Variants in PLXNB1 observed in about 807,000 individuals in gnomAD.
PLXNB1 encodes the protein plexin-B1.
A neutral mutation model predicts 209.4 loss-of-function variants in PLXNB1; 106 were observed. The ratio of observed to expected loss-of-function variants is 0.51; its 90% CI spans 0.43 to 0.59. PLXNB1 has a LOEUF of 0.59. Among genes scored for constraint, PLXNB1 ranks in the 20% least tolerant of loss-of-function variants. The pLI is 0.00. For missense variants in PLXNB1, 2,357 were observed against 2,853.2 expected (o/e 0.83, Z 3.96); for synonymous variants, 1,167 against 1,183.2 (o/e 0.99, Z 0.28).
Position 48,417,960 on chromosome 3 carries a change from C to A in PLXNB1, c.3325G>T (p.Ala1109Ser). The A allele has an allele frequency of 6.2e-7, 1 of 1,613,434 alleles. No homozygotes were observed. Among genetic ancestry groups the A allele is most frequent in the Non-Finnish European group, 8.5e-7 (1 of 1,180,022 alleles). The change falls in exon 16 of 38, where the codon GCT (alanine) becomes TCT (serine). Residue 1109 changes from alanine (A) to serine (S), a missense_variant. By Grantham distance (99) the Ala-to-Ser change is moderately conservative. Coordinates refer to ENST00000296440, the MANE Select transcript of PLXNB1 (RefSeq NM_001130082.3). The surrounding 1 kb of genome is among the most constrained non-coding windows in gnomAD (Gnocchi z 4.4). ...GCATCCACAGCACAGGGCACTCCAG[C>A]CACCGTGACCATGCCCAGCACATCC... ...VQDVLGMVTVAGVPCAVDAQE... is the reference protein window; with the variant it reads ...VQDVLGMVTVSGVPCAVDAQE...
Position 48,411,986 on chromosome 3 carries a change from G to A in PLXNB1, c.5124C>T (p.Tyr1708=). 6.2e-7 allele frequency: 1 copy of A among 1,614,114 alleles called. No individual in the cohort carries two copies. Reference sequence around the variant, plus strand: ...GGTGCTTAATCCCTCGAAAGAGCATGTACAGAGGCTCCCCTACGGAGTCCT... The same window carrying A: ...GGTGCTTAATCCCTCGAAAGAGCATATACAGAGGCTCCCCTACGGAGTCCT... The part of the protein sequence containing the change: ...FVRDSVGEPL[Y]MLFRGIKHQV... The change falls in exon 28 of 38, where the codon TAC becomes TAT. Residue 1708 remains tyrosine, a synonymous_variant. Transcript: ENST00000296440. The surrounding 1 kb of genome is among the most constrained non-coding windows in gnomAD (Gnocchi z 4.0).
In PLXNB1 at chr3:48,415,852, A is replaced by C. The variant is rs977642120; in HGVS notation, c.3618-93T>G. ...CTGGCTTCCCTCAAGCGCTGACTGC[A>C]GTCTCCACCAGGTGTCCCTGGAGGT... is the stretch of plus-strand genomic sequence containing the variant. On this transcript the variant is annotated intron_variant, in intron 18 of 37. Transcript: ENST00000296440. The surrounding 1 kb of genome is among the most constrained non-coding windows in gnomAD (Gnocchi z 5.0). 1 of 1,374,486 alleles carries C rather than the reference A, an allele frequency of 7.3e-7. No homozygotes were observed. 85.1% of individuals were successfully genotyped at this position (1,374,486 alleles called of 1,614,324 possible). A position where few individuals can be genotyped will look rare whatever the true frequency, so the allele number is the denominator to read the frequency against.
chr3:48,422,688 C>G, intron 4 of PLXNB1, 77 bp downstream of exon 4: 1 of 1,497,300 alleles, frequency 6.7e-7, no homozygotes, highest in South Asian at 1.3e-5. Context: ...ACAGGGATAG[C>G]TTAAACCAGG....
Position 48,422,069 on chromosome 3 carries a change from T to C in PLXNB1, c.1520+36A>G, listed in dbSNP as rs998815761. On this transcript the variant is annotated intron_variant, in intron 6 of 37. Coordinates refer to ENST00000296440, the MANE Select transcript of PLXNB1 (RefSeq NM_001130082.3). ...ACAATTATGCAGGAGCATTGTGGGC[T>C]TGAGGCTGGGGCTGGGATGGGGTCA... 3 of 1,564,158 alleles carry C rather than the reference T, an allele frequency of 1.9e-6. No homozygotes were observed. The African/African-American group carries it at 4.1e-5, about 21-fold the overall frequency.
rs747973804 is a variant in PLXNB1, at chr3:48,404,546, C to A, written c.6348G>T (p.Gln2116His). The A allele has an allele frequency of 1.2e-6, 2 of 1,613,746 alleles. No individual in the cohort carries two copies. Among genetic ancestry groups the A allele is most frequent in the Non-Finnish European group, 1.7e-6 (2 of 1,179,814 alleles). ...LEEDGTAQKM[Q>H]LGYRLQQIAA... is the part of the protein sequence containing the mutation. ...CAATCTGCTGGAGCCGATAGCCCAG[C>A]TGCATCTTCTGGGCCGTGCCATCCT... Residue 2116 changes from glutamine (Q) to histidine (H), a missense_variant, in exon 38 of 38, where the codon CAG becomes CAT. By Grantham distance (24) the Gln-to-His change is conservative. Transcript: ENST00000296440.
chr3:48,408,957 A>G (rs1404926420), intron 34 of PLXNB1, among the ~76,000 whole-genome samples: 1 of 152,082 alleles, frequency 6.6e-6, no homozygotes, highest in African/African-American at 2.4e-5. Flanking sequence ...AGCAGCCACA[A>G]TGTTCCACCA....
chr3:48,407,048 C>G lies in PLXNB1; in HGVS notation c.6131G>C (p.Arg2044Pro). ...GTACCTTTCCACCATCCGCTTGTAC[C>G]GGGGAATGTCCCGTGCATACAGAAG... ...NKLLYARDIP[R>P]YKRMVERYYA... Residue 2044 changes from arginine (R) to proline (P), a missense_variant, in exon 35 of 38, where the codon CGG becomes CCG. By Grantham distance (103) the Arg-to-Pro change is moderately radical. Around this residue, in one of 7 missense-constraint regions of PLXNB1, gnomAD observed 414 missense variants for 520.5 expected, o/e 0.80. Transcript: ENST00000296440. 2.5e-6 allele frequency: 4 copies of G among 1,614,094 alleles called. No individual in the cohort carries two copies. Among genetic ancestry groups the G allele is most frequent in the Non-Finnish European group, 3.4e-6 (4 of 1,180,014 alleles).
intron 27 of PLXNB1, 65 bp downstream of exon 27, chr3:48,412,173 G>A: frequency 1.3e-6 from 2 of 1,557,330 alleles, no homozygotes; most frequent in Non-Finnish European, 1.8e-6. Flanking sequence ...GGTGGCTGAG[G>A]GCTTAGAAGT....
rs758054398 is a variant in PLXNB1, at chr3:48,409,493, C to A, written c.5940-17G>T. 9.3e-6 allele frequency: 15 copies of A among 1,614,098 alleles called. No individual in the cohort carries two copies. Among genetic ancestry groups the A allele is most frequent in the Non-Finnish European group, 1.1e-5 (13 of 1,180,026 alleles). ...AGAGGCAAGCTGCGGGTGGGGCAGG[C>A]ATGGCCGATGAATGTGCTGGGGAGG... On this transcript the variant is annotated splice_polypyrimidine_tract_variant and intron_variant, in intron 33 of 37. Coordinates refer to ENST00000296440, the MANE Select transcript of PLXNB1 (RefSeq NM_001130082.3). This position sits in a 1 kb window ranked among gnomAD's most constrained non-coding sequence, Gnocchi z 5.8.
At chr3:48,424,773 C>A (rs2038796132) in intron 2 of PLXNB1, among the ~76,000 whole-genome samples, 156 bp from the exon 3 acceptor site, 1 of 152,142 alleles carries the variant, frequency 6.6e-6, no homozygotes, top group African/African-American at 2.4e-5. Context: ...GGCACTATGT[C>A]CAGGATGACC....
chr3:48,412,208 C>G (rs1284331253), intron 27 of PLXNB1, 30 bp downstream of exon 27: 20 of 1,610,416 alleles, frequency 1.2e-5, no homozygotes, highest in African/African-American at 8.0e-5. Context: ...CCTCCCTGGA[C>G]AGGAGCCCTG....
Position 48,429,772 on chromosome 3 carries a change from CG to C in PLXNB1, c.-60+235del, listed in dbSNP as rs2039098723. On this transcript the variant is annotated intron_variant, in intron 1 of 37. Coordinates refer to ENST00000296440, the MANE Select transcript of PLXNB1 (RefSeq NM_001130082.3). This position sits in a 1 kb window ranked among gnomAD's most constrained non-coding sequence, Gnocchi z 6.4. ...CCTCACCTGCTCGCCTCCTTGGAAC[CG>C]GAACTGGGAACTTTCCTGGTTGCCA... 6.6e-6 allele frequency among the ~76,000 whole-genome samples: 1 copy of C among 152,114 alleles called. No homozygotes were observed. The highest frequency in any genetic ancestry group is 2.4e-5 in the African/African-American group (1 of 41,438).
rs2037335202 is a variant in PLXNB1 at position 48,406,769 on chromosome 3, G to C, written c.6228+54C>G. The C allele has an allele frequency of 6.4e-7, 1 of 1,556,894 alleles. No homozygotes were observed. The highest frequency in any genetic ancestry group is 2.4e-5 in the East Asian group (1 of 42,436). ...CAAAGGGGCAGTGTGAAGGGGGAAGGACCGTTGTGGCAGGAGGCCTATGCC... is the reference window on the plus strand; with the variant it reads ...CAAAGGGGCAGTGTGAAGGGGGAAGCACCGTTGTGGCAGGAGGCCTATGCC... On this transcript the variant is annotated intron_variant, in intron 36 of 37. Coordinates refer to ENST00000296440, the MANE Select transcript of PLXNB1 (RefSeq NM_001130082.3). This position sits in a 1 kb window ranked among gnomAD's most constrained non-coding sequence, Gnocchi z 4.4.
Position 48,418,205 on chromosome 3 carries a change from G to C in PLXNB1, c.3208C>G (p.Pro1070Ala), listed in dbSNP as rs2038226939. 1 of 1,610,552 alleles carries C rather than the reference G, an allele frequency of 6.2e-7. No homozygotes were observed. Among genetic ancestry groups the C allele is most frequent in the Admixed American group, 1.7e-5 (1 of 59,564 alleles). ...TTTCAACAAACCGAGTGGATGAGGG[G>C]CGCTGGGCACTGGGTGGCCACAGCC... ...AEAVATQCPA[P>A]LIHSVEPLTG... The change falls in exon 15 of 38, where the codon CCC (proline) becomes GCC (alanine). Residue 1070 changes from proline to alanine, a missense_variant. Around this residue, in one of 7 missense-constraint regions of PLXNB1, gnomAD observed 743 missense variants for 896.2 expected, o/e 0.83. Transcript: ENST00000296440. The surrounding 1 kb of genome is among the most constrained non-coding windows in gnomAD (Gnocchi z 6.6).
In PLXNB1 at chr3:48,415,936, C is replaced by T; in HGVS notation, c.3617+95G>A. ...GCCACTCTCTGAAGGAGCAGACTGGCCCTCTTCCCCTTTCTGCTCTCCCCA... is the reference window on the plus strand; with the variant it reads ...GCCACTCTCTGAAGGAGCAGACTGGTCCTCTTCCCCTTTCTGCTCTCCCCA... On this transcript the variant is annotated intron_variant, in intron 18 of 37. Coordinates refer to ENST00000296440, the MANE Select transcript of PLXNB1 (RefSeq NM_001130082.3). This position sits in a 1 kb window ranked among gnomAD's most constrained non-coding sequence, Gnocchi z 5.0. 8 of 1,441,308 alleles carry T rather than the reference C, an allele frequency of 5.6e-6. No homozygotes were observed. The highest frequency in any genetic ancestry group is 7.5e-6 in the Non-Finnish European group (8 of 1,064,372). 89.3% of individuals were successfully genotyped at this position (1,441,308 alleles called of 1,614,324 possible). A position where few individuals can be genotyped will look rare whatever the true frequency, so the allele number is the denominator to read the frequency against.
intron 7 of PLXNB1, 92 bp downstream of exon 7, chr3:48,421,582 C>T: frequency 7.6e-7 from 1 of 1,319,102 alleles, no homozygotes; most frequent in South Asian, 1.4e-5. Context: ...CATGTGGTAT[C>T]TGGCATGTCC....
chr3:48,421,195 GC>G, intron 8 of PLXNB1, 32 bp downstream of exon 8: 1 of 1,605,226 alleles, frequency 6.2e-7, no homozygotes, highest in Non-Finnish European at 8.5e-7. Flanking sequence ...GCAGGGGCTG[GC>G]CCCCACCAGG....
At position 48,405,308 on chromosome 3, in the gene PLXNB1, C is replaced by A. The variant is rs1206514808; in HGVS notation, c.6303+416G>T. Among the ~76,000 whole-genome samples, 1 of 152,228 alleles carries A rather than the reference C, an allele frequency of 6.6e-6. No individual in the cohort carries two copies. Among genetic ancestry groups the A allele is most frequent in the Non-Finnish European group, 1.5e-5 (1 of 68,036 alleles). On this transcript the variant is annotated intron_variant, in intron 37 of 37. Coordinates refer to ENST00000296440, the MANE Select transcript of PLXNB1 (RefSeq NM_001130082.3). The surrounding 1 kb of genome is among the most constrained non-coding windows in gnomAD (Gnocchi z 5.0). The stretch of plus-strand genomic sequence containing the variant: ...CCCAGGGATCCTCCAAAAAGCTTCA[C>A]CAGCTCCAGTGTACCCTCACACCCC...
chr3:48,411,167 C>T lies in PLXNB1; in HGVS notation c.5248-131G>A, dbSNP rs115577027. 7 of 746,708 alleles carry T rather than the reference C, an allele frequency of 9.4e-6. No individual in the cohort carries two copies. Among genetic ancestry groups the T allele is most frequent in the South Asian group, 6.0e-5 (3 of 50,390 alleles). The allele number at this position is 746,708 out of a possible 1,614,324, so 46.3% of individuals were successfully genotyped here. ...CACGCACCACACAATCCCTAATTCTCGTCTCTTCACCTGCCTGCCTTCCCC... is the reference window on the plus strand; with the variant it reads ...CACGCACCACACAATCCCTAATTCTTGTCTCTTCACCTGCCTGCCTTCCCC... On this transcript the variant is annotated intron_variant, in intron 28 of 37. Coordinates refer to ENST00000296440, the MANE Select transcript of PLXNB1 (RefSeq NM_001130082.3). This position sits in a 1 kb window ranked among gnomAD's most constrained non-coding sequence, Gnocchi z 4.0.
Sources: allele counts gnomAD v4.1 joint callset (sites outside exome capture counted in the v4.1 genomes callset), GRCh38; gene constraint gnomAD v4.1.1; regional missense constraint gnomAD v4.1.1; non-coding constraint Gnocchi (gnomAD v3.1); transcripts MANE v1.5; gene names NCBI Gene and HGNC (gene_info 2026-07-23, HGNC 2026-07-21).